Variants in HSF2BP observed in about 807,000 individuals in gnomAD.
The protein encoded by HSF2BP is heat shock factor 2-binding protein.
Under a neutral mutation model 35.0 loss-of-function variants are expected in HSF2BP, and 35 were observed. That is an observed-to-expected ratio of 1.00 (90% CI 0.76 to 1.32). The LOEUF is 1.32. HSF2BP is among the 40% of genes most tolerant of loss of function. The pLI, the probability that HSF2BP is intolerant of heterozygous loss-of-function variation, is 0.00. For missense variants in HSF2BP, 326 were observed against 321.7 expected (o/e 1.01, Z -0.10); for synonymous variants, 114 against 117.4 (o/e 0.97, Z 0.18).
At chr21:43,585,746 G>A (rs1488947543) in intron 8 of HSF2BP, among the ~76,000 whole-genome samples, 3 of 152,170 alleles carry the variant, frequency 2.0e-5, no homozygotes, top group East Asian at 3.8e-4. Flanking sequence ...GACTGAATGA[G>A]GGCGTAAGAG....
chr21:43,642,944 G>A (rs554441069), intron 4 of HSF2BP, among the ~76,000 whole-genome samples: 6 of 151,638 alleles, frequency 4.0e-5, no homozygotes, highest in Middle Eastern at 3.2e-3. Flanking sequence ...ACTCCTGACC[G>A]CAAGCGAACC....
chr21:43,653,145 G>A (rs1042379595), intron 3 of HSF2BP, among the ~76,000 whole-genome samples: 2 of 145,808 alleles, frequency 1.4e-5, no homozygotes, highest in African/African-American at 5.0e-5. Context: ...TCGGAAGAAA[G>A]AGAGAAAGAG....
chr21:43,598,757 T>C (rs1341919233), intron 7 of HSF2BP, among the ~76,000 whole-genome samples: 1 of 152,172 alleles, frequency 6.6e-6, no homozygotes, highest in Non-Finnish European at 1.5e-5. Flanking sequence ...TACTCAAATG[T>C]AGTGTTCATG....
intron 4 of HSF2BP, among the ~76,000 whole-genome samples, chr21:43,638,836 C>G (rs918247958): frequency 3.3e-5 from 5 of 152,112 alleles, no homozygotes; most frequent in African/African-American, 1.2e-4. Flanking sequence ...AGCAAAGAAG[C>G]TAGAATAGTT....
In HSF2BP at chr21:43,597,547, G is replaced by T. The variant is rs1017628285; in HGVS notation, c.693-5219C>A. Among the ~76,000 whole-genome samples the T allele has an allele frequency of 3.9e-5, 6 of 152,182 alleles. No homozygotes were observed. Among genetic ancestry groups the T allele is most frequent in the African/African-American group, 1.4e-4 (6 of 41,510 alleles). On this transcript the variant is annotated intron_variant, in intron 7 of 8. Coordinates refer to ENST00000291560, the MANE Select transcript of HSF2BP (RefSeq NM_007031.2). The surrounding 1 kb of genome is among the most constrained non-coding windows in gnomAD (Gnocchi z 4.3). ...TTTACTTTTTTTTCCTAGAGCTAGG[G>T]TCTCACTTTGTCACTCAGGCTGGAA... is the stretch of plus-strand genomic sequence containing the variant.
intron 3 of HSF2BP, among the ~76,000 whole-genome samples, chr21:43,655,656 G>A (rs1282614790): frequency 6.6e-6 from 1 of 152,142 alleles, no homozygotes; most frequent in African/African-American, 2.4e-5. Flanking sequence ...TTCCATTGGT[G>A]AGCCCCACTG....
chr21:43,657,108 C>G (rs1283469656), intron 2 of HSF2BP, among the ~76,000 whole-genome samples: 1 of 152,186 alleles, frequency 6.6e-6, no homozygotes, highest in Non-Finnish European at 1.5e-5. Flanking sequence ...CAGTGGCTCA[C>G]GCCTGTAATC....
At chr21:43,643,731 G>A (rs938247916) in intron 4 of HSF2BP, among the ~76,000 whole-genome samples, 1 of 152,180 alleles carries the variant, frequency 6.6e-6, no homozygotes, top group African/African-American at 2.4e-5. Context: ...GGCTGAGGCG[G>A]GCAGATCAAG....
chr21:43,591,856 G>A (rs1440383650), intron 8 of HSF2BP, among the ~76,000 whole-genome samples: 3 of 152,194 alleles, frequency 2.0e-5, no homozygotes, highest in African/African-American at 7.2e-5. Flanking sequence ...TCCAGCATAT[G>A]CTATGCGCCC....
intron 8 of HSF2BP, among the ~76,000 whole-genome samples, chr21:43,578,370 C>T (rs1242040040): frequency 6.6e-6 from 1 of 151,828 alleles, no homozygotes; most frequent in African/African-American, 2.4e-5. Flanking sequence ...TGTGTGCATT[C>T]TCTTTTTTTC....
intron 8 of HSF2BP, among the ~76,000 whole-genome samples, chr21:43,581,143 T>C (rs1024054957): frequency 6.6e-6 from 1 of 152,102 alleles, no homozygotes; most frequent in Admixed American, 6.6e-5. Flanking sequence ...TCCCAGCACT[T>C]TGGGAAGACG....
At chr21:43,463,669 C>G in the HSF2BP span, among the ~76,000 whole-genome samples, 1 of 151,172 alleles carries the variant, frequency 6.6e-6, no homozygotes, top group East Asian at 2.0e-4. Context: ...CCAGAGCTGC[C>G]AGTGTGTCCA....
chr21:43,624,934 A>C lies in HSF2BP; in HGVS notation c.574+5388T>G, dbSNP rs191513752. 2.9e-3 allele frequency among the ~76,000 whole-genome samples: 435 copies of C among 152,260 alleles called. 3 individuals carry two copies. Among genetic ancestry groups the C allele is most frequent in the Middle Eastern group, 0.017 (5 of 292 alleles). On this transcript the variant is annotated intron_variant, in intron 6 of 8. Transcript: ENST00000291560. ...TACTACGGTTCAGTAGAAAATTCAC[A>C]ATATGTAAAGTAATAAGAGCAGATG...
chr21:43,577,737 C>T (rs1168058255), intron 8 of HSF2BP, among the ~76,000 whole-genome samples: 1 of 152,142 alleles, frequency 6.6e-6, no homozygotes, highest in Non-Finnish European at 1.5e-5. Context: ...ACTGAAGATC[C>T]ACAAAAGAAG....
intron 6 of HSF2BP, among the ~76,000 whole-genome samples, chr21:43,626,969 G>A (rs185857784): frequency 3.6e-4 from 55 of 152,090 alleles, no homozygotes; most frequent in Admixed American, 2.9e-3. Flanking sequence ...CCAGGTTCAA[G>A]CAATTCTCCT....
At chr21:43,600,516 C>A (rs1318708498) in intron 7 of HSF2BP, among the ~76,000 whole-genome samples, 2 of 152,082 alleles carry the variant, frequency 1.3e-5, no homozygotes, top group East Asian at 3.8e-4. Context: ...ATTTTTAGAC[C>A]AAATTATTCT....
rs541355338 is a variant in HSF2BP, at chr21:43,625,429, G to A, written c.574+4893C>T. Among the ~76,000 whole-genome samples the A allele has an allele frequency of 2.0e-5, 3 of 152,226 alleles. No individual in the cohort carries two copies. The East Asian group carries it at 5.8e-4, about 29-fold the overall frequency. ...TGGTTGCCTTGGGCTGGTGATGAGT[G>A]GAGAACTGGACTACAGAAGGATGGC... On this transcript the variant is annotated intron_variant, in intron 6 of 8. Coordinates refer to ENST00000291560, the MANE Select transcript of HSF2BP (RefSeq NM_007031.2).
At chr21:43,574,638 T>G (rs2081618927) in intron 8 of HSF2BP, among the ~76,000 whole-genome samples, 1 of 152,194 alleles carries the variant, frequency 6.6e-6, no homozygotes, top group African/African-American at 2.4e-5. Flanking sequence ...ATTACAGGCT[T>G]GAGCCACTGC....
intron 4 of HSF2BP, among the ~76,000 whole-genome samples, chr21:43,636,453 A>T (rs1298980634): frequency 6.6e-6 from 1 of 152,158 alleles, no homozygotes; most frequent in African/African-American, 2.4e-5. Context: ...TACCTTATAA[A>T]GAAAGTAAAA....
Sources: gnomAD v4.1 joint callset for allele counts (sites outside exome capture counted in the v4.1 genomes callset) on GRCh38, gnomAD v4.1.1 for gene constraint, Gnocchi (gnomAD v3.1) non-coding constraint, MANE v1.5 for transcripts, NCBI Gene and HGNC (gene_info 2026-07-23, HGNC 2026-07-21) for gene names.